PLPPR5: variants seen among roughly 807,000 people sequenced by gnomAD.
The protein encoded by PLPPR5 is phospholipid phosphatase-related protein type 5.
PLPPR5 carries 16 observed loss-of-function variants against 33.9 expected under a neutral mutation model. The observed-to-expected ratio is 0.47, with a 90% CI of 0.32 to 0.72. The LOEUF (loss-of-function observed/expected upper bound fraction) is 0.72. PLPPR5 is among the 30% of genes least tolerant of loss of function. The pLI, the probability that PLPPR5 is intolerant of heterozygous loss-of-function variation, is 0.03. For synonymous variants in PLPPR5, 163 were observed against 150.3 expected (o/e 1.08, Z -0.62); for missense variants, 301 against 406.7 (o/e 0.74, Z 2.23).
chr1:98,951,570 A>G (rs1213910594), intron 3 of PLPPR5, among the ~76,000 whole-genome samples: 3 of 152,226 alleles, frequency 2.0e-5, no homozygotes, highest in Non-Finnish European at 4.4e-5. Flanking sequence ...AGTGAGGGAT[A>G]GAATTAACTT....
intron 3 of PLPPR5, among the ~76,000 whole-genome samples, chr1:98,935,507 G>A (rs1650142478): frequency 6.6e-6 from 1 of 152,008 alleles, no homozygotes; most frequent in South Asian, 2.1e-4. Context: ...CAACACCATA[G>A]AGCTTCATGC....
At chr1:98,984,368 T>C (rs576476177) in intron 1 of PLPPR5, among the ~76,000 whole-genome samples, 1 of 152,184 alleles carries the variant, frequency 6.6e-6, no homozygotes, top group South Asian at 2.1e-4. Context: ...AAGAACTGAG[T>C]ACACCCCCTT....
At chr1:98,952,262 C>CAAAAAAAAAAAAAAAAA (rs779701945) in intron 3 of PLPPR5, among the ~76,000 whole-genome samples, 7 of 113,058 alleles carry the variant, frequency 6.2e-5, no homozygotes, top group African/African-American at 2.2e-4. Context: ...GACTCCGTCT[C>CAAAAAAAAAAAAAAAAA]AGAAAAAAAA....
intron 1 of PLPPR5, among the ~76,000 whole-genome samples, chr1:98,958,757 T>A (rs1288388780): frequency 1.3e-5 from 2 of 152,220 alleles, no homozygotes; most frequent in Non-Finnish European, 2.9e-5. Context: ...ATTACCATGA[T>A]GATGCTTTCT....
intron 1 of PLPPR5, among the ~76,000 whole-genome samples, chr1:99,000,922 G>A (rs2100769089): frequency 6.6e-6 from 1 of 152,136 alleles, no homozygotes; most frequent in South Asian, 2.1e-4. Context: ...TGGAACACAT[G>A]AATTCAATAA....
intron 1 of PLPPR5, among the ~76,000 whole-genome samples, chr1:98,998,976 T>C (rs1447550731): frequency 6.6e-6 from 1 of 152,224 alleles, no homozygotes. Context: ...TTTTAGCTAA[T>C]GTTAGCCCAC....
At chr1:98,926,449 T>TGTGC (rs1170241797) in intron 3 of PLPPR5, among the ~76,000 whole-genome samples, 3 of 4,712 alleles carry the variant, frequency 6.4e-4, no homozygotes, top group African/African-American at 2.4e-3. Flanking sequence ...GTTTGATTAG[T>TGTGC]GTGTGTGTGT....
At chr1:98,960,453 G>A (rs745572189) in intron 1 of PLPPR5, among the ~76,000 whole-genome samples, 84 of 152,200 alleles carry the variant, frequency 5.5e-4, no homozygotes, top group South Asian at 8.3e-4. Flanking sequence ...ATCCACCCGC[G>A]TCTGCCTCCC....
Position 99,004,755 on chromosome 1 carries a change from C to A in PLPPR5, c.-84G>T, listed in dbSNP as rs1372327532. The A allele has an allele frequency of 7.7e-6, 7 of 910,464 alleles. No homozygotes were observed. Among genetic ancestry groups the A allele is most frequent in the African/African-American group, 1.9e-5 (1 of 53,530 alleles). 56.4% of individuals were successfully genotyped at this position (910,464 alleles called of 1,614,324 possible). Reference sequence around the variant, plus strand: ...CTCCCCGGTCCGCCGAGGCAGCCACCGGGGGCGCGGCGGCGGAGGCGGCGG... The same window carrying A: ...CTCCCCGGTCCGCCGAGGCAGCCACAGGGGGCGCGGCGGCGGAGGCGGCGG... On this transcript the variant is annotated 5_prime_UTR_variant, in exon 1 of 6. Coordinates refer to ENST00000263177, the MANE Select transcript of PLPPR5 (RefSeq NM_001037317.2).
At chr1:98,937,642 G>A (rs1650220506) in intron 3 of PLPPR5, among the ~76,000 whole-genome samples, 1 of 152,098 alleles carries the variant, frequency 6.6e-6, no homozygotes, top group Non-Finnish European at 1.5e-5. Context: ...ACAATCCTTT[G>A]GATAACTGCA....
intron 5 of PLPPR5, among the ~76,000 whole-genome samples, chr1:98,901,062 C>CA (rs1557662112): frequency 1.3e-5 from 2 of 151,864 alleles, no homozygotes; most frequent in South Asian, 4.1e-4. Flanking sequence ...TCATAATTGC[C>CA]AAAAAATGGA....
intron 1 of PLPPR5, among the ~76,000 whole-genome samples, chr1:98,968,184 GA>G (rs1276259338): frequency 8.8e-6 from 1 of 113,382 alleles, no homozygotes; most frequent in Non-Finnish European, 2.0e-5. Flanking sequence ...AAGCTCTAAG[GA>G]AAATGAATAC....
At chr1:98,961,186 G>A (rs1651233972) in intron 1 of PLPPR5, among the ~76,000 whole-genome samples, 1 of 152,116 alleles carries the variant, frequency 6.6e-6, no homozygotes, top group Admixed American at 6.5e-5. Context: ...TTTCACAGAT[G>A]TTTTTTCTAA....
At chr1:98,988,238 A>C (rs1652329330) in intron 1 of PLPPR5, among the ~76,000 whole-genome samples, 1 of 152,128 alleles carries the variant, frequency 6.6e-6, no homozygotes, top group Non-Finnish European at 1.5e-5. Flanking sequence ...AAGTTGCAGC[A>C]AAGCAAACTT....
chr1:98,978,250 G>A (rs1356392289), intron 1 of PLPPR5, among the ~76,000 whole-genome samples: 2 of 152,028 alleles, frequency 1.3e-5, no homozygotes, highest in Non-Finnish European at 2.9e-5. Flanking sequence ...GACAGGGAGG[G>A]AGGGGTGCTA....
rs761019187 is a variant in PLPPR5 at position 99,004,702 on chromosome 1, C to G, written c.-31G>C. ...CCTCCCGGGCCGGGCCGAGCCGAGCCGAGCGGGCGGTCGACGCGGTGGGCC... is the reference window on the plus strand; with the variant it reads ...CCTCCCGGGCCGGGCCGAGCCGAGCGGAGCGGGCGGTCGACGCGGTGGGCC... On this transcript the variant is annotated 5_prime_UTR_variant, in exon 1 of 6. Coordinates refer to ENST00000263177, the MANE Select transcript of PLPPR5 (RefSeq NM_001037317.2). The G allele has an allele frequency of 7.5e-6, 11 of 1,459,528 alleles. No homozygotes were observed. In the East Asian group the frequency reaches 2.2e-4, roughly 29 times the overall value. The allele number at this position is 1,459,528 out of a possible 1,614,324, so 90.4% of individuals were successfully genotyped here. A position where few individuals can be genotyped will look rare whatever the true frequency, so the allele number is the denominator to read the frequency against.
chr1:98,972,232 T>A (rs1651687127), intron 1 of PLPPR5, among the ~76,000 whole-genome samples: 1 of 152,122 alleles, frequency 6.6e-6, no homozygotes, highest in Non-Finnish European at 1.5e-5. Context: ...CTGGCAGATA[T>A]CTGAGAATTC....
intron 4 of PLPPR5, among the ~76,000 whole-genome samples, chr1:98,915,308 T>C (rs995596463): frequency 7.2e-5 from 11 of 152,156 alleles, no homozygotes; most frequent in Admixed American, 7.2e-4. Context: ...TTAATTTAAA[T>C]GCTAATTGTT....
intron 1 of PLPPR5, among the ~76,000 whole-genome samples, chr1:98,996,417 A>T (rs936147407): frequency 6.6e-6 from 1 of 152,132 alleles, no homozygotes; most frequent in African/African-American, 2.4e-5. Flanking sequence ...GCCACCAAAA[A>T]AAAATGGTGA....
Sources: allele counts gnomAD v4.1 joint callset (sites outside exome capture counted in the v4.1 genomes callset), GRCh38; gene constraint gnomAD v4.1.1; transcripts MANE v1.5; gene names NCBI Gene and HGNC (gene_info 2026-07-23, HGNC 2026-07-21).